PSMG2: variants seen among roughly 807,000 people sequenced by gnomAD.
The protein encoded by PSMG2 is proteasome assembly chaperone 2.
PSMG2 carries 21 observed loss-of-function variants against 31.5 expected under a neutral mutation model. The ratio of observed to expected loss-of-function variants is 0.67; its 90% CI spans 0.47 to 0.96. The LOEUF is 0.96. Among genes scored for constraint, PSMG2 ranks in the 40% least tolerant of loss-of-function variants. The probability of loss-of-function intolerance (pLI) is 0.00; values close to 1 mark genes in which losing one functional copy is unlikely to be tolerated. For synonymous variants in PSMG2, 120 were observed against 110.4 expected (o/e 1.09, Z -0.54); for missense variants, 318 against 321.2 (o/e 0.99, Z 0.08).
chr18:12,695,211 T>C (rs765168788), intron 1 of PSMG2: 4 of 880,534 alleles, frequency 4.5e-6, no homozygotes, highest in Non-Finnish European at 5.2e-6. Context: ...TATACTACTA[T>C]GAAAACAAAC....
intron 1 of PSMG2, among the ~76,000 whole-genome samples, chr18:12,682,781 C>G (rs933306296): frequency 1.3e-5 from 2 of 151,860 alleles, no homozygotes; most frequent in Non-Finnish European, 2.9e-5. Context: ...ACCACCACAC[C>G]CAGCTAATTT....
rs530892126 is a variant in PSMG2, at chr18:12,667,392, G to C, written c.-37+8619G>C. On this transcript the variant is annotated intron_variant, in intron 1 of 6. Coordinates refer to the PSMG2 transcript ENST00000585331. The stretch of plus-strand genomic sequence containing the variant: ...GGATCCGTTGAGCCCAGGTGTTCAA[G>C]GCTGCAGTGAGCTATGATCACACCA... Among the ~76,000 whole-genome samples, 392 of 152,278 alleles carry C rather than the reference G, an allele frequency of 2.6e-3. 1 individual carries two copies. Among genetic ancestry groups the C allele is most frequent in the African/African-American group, 9.0e-3 (376 of 41,562 alleles).
At chr18:12,724,345 G>T in intron 5 of PSMG2, 154 bp from the exon 6 acceptor site, 1 of 720,310 alleles carries the variant, frequency 1.4e-6, no homozygotes. Context: ...AGAAAACTCT[G>T]TGTGGGGCGA....
upstream of PSMG2, among the ~76,000 whole-genome samples, chr18:12,698,279 A>C (rs1009837256): frequency 1.3e-5 from 2 of 151,878 alleles, no homozygotes; most frequent in Non-Finnish European, 2.9e-5. Flanking sequence ...CCCAGGCTGG[A>C]GTGCAATGGG....
chr18:12,708,201 G>A (rs1472656904), intron 2 of PSMG2, among the ~76,000 whole-genome samples: 2 of 152,164 alleles, frequency 1.3e-5, no homozygotes, highest in African/African-American at 4.8e-5. Flanking sequence ...GTTTGAGCCT[G>A]GGAGGTTGTG....
intron 1 of PSMG2, among the ~76,000 whole-genome samples, chr18:12,688,435 T>C (rs896893968): frequency 1.3e-5 from 2 of 152,126 alleles, no homozygotes; most frequent in African/African-American, 2.4e-5. Context: ...TTGGTTAGTA[T>C]TGAGGTGCAG....
chr18:12,678,027 G>T, intron 1 of PSMG2: 1 of 1,032,396 alleles, frequency 9.7e-7, no homozygotes, highest in Non-Finnish European at 1.5e-6. Flanking sequence ...AATAGTGACT[G>T]GCACTATCAC....
chr18:12,722,587 G>C (rs4296322), intron 5 of PSMG2, among the ~76,000 whole-genome samples: 3 of 151,838 alleles, frequency 2.0e-5, no homozygotes, highest in African/African-American at 7.3e-5. Flanking sequence ...CAAAGTTAGC[G>C]GTGATAAACA....
chr18:12,689,488 G>A (rs7236517), intron 1 of PSMG2, among the ~76,000 whole-genome samples: 3 of 152,192 alleles, frequency 2.0e-5, no homozygotes, highest in African/African-American at 7.2e-5. Context: ...CCAATGCCTG[G>A]CCACTTGACA....
At chr18:12,697,821 A>T (rs577827412) in intron 1 of PSMG2, among the ~76,000 whole-genome samples, 13,965 of 152,268 alleles carry the variant, frequency 0.092, 880 homozygotes, top group Non-Finnish European at 0.13. Context: ...AAAATACAGC[A>T]CATCGAATCT....
At chr18:12,670,384 C>T (rs923026462) in intron 1 of PSMG2, 2 of 151,960 alleles carry the variant, frequency 1.3e-5, no homozygotes, top group Non-Finnish European at 2.9e-5. Flanking sequence ...ACTGAAATTA[C>T]CTTATTAAGT....
chr18:12,693,208 TTATAAA>T (rs1043472317), intron 1 of PSMG2, among the ~76,000 whole-genome samples: 2 of 152,166 alleles, frequency 1.3e-5, no homozygotes, highest in Non-Finnish European at 2.9e-5. Context: ...TCACTAGAAA[TTATAAA>T]TATGACAGTG....
rs2145133349 is a variant in PSMG2 at position 12,706,540 on chromosome 18, A to G, written c.58-10A>G. 6.2e-7 allele frequency: 1 copy of G among 1,612,608 alleles called. No individual in the cohort carries two copies. The highest frequency in any genetic ancestry group is 1.7e-4 in the Middle Eastern group (1 of 6,060). The stretch of plus-strand genomic sequence containing the variant: ...TGGTGACTTACTGAACATATCTTTT[A>G]TAATTTCAGCCAGCAGTATCTGTTG... On this transcript the variant is annotated splice_polypyrimidine_tract_variant and intron_variant, in intron 1 of 6. Transcript: ENST00000317615.
intron 2 of PSMG2, among the ~76,000 whole-genome samples, chr18:12,706,984 C>T (rs2040275429): frequency 6.6e-6 from 1 of 151,900 alleles, no homozygotes; most frequent in Non-Finnish European, 1.5e-5. Flanking sequence ...GAGACGGAGT[C>T]TCGCTCTCTT....
intron 2 of PSMG2, among the ~76,000 whole-genome samples, chr18:12,712,486 A>G (rs1172801859): frequency 6.6e-6 from 1 of 152,250 alleles, no homozygotes; most frequent in Non-Finnish European, 1.5e-5. Flanking sequence ...TTAACTTTTC[A>G]GAAATGAATC....
intron 1 of PSMG2, chr18:12,691,379 G>T: frequency 6.3e-7 from 1 of 1,598,530 alleles, no homozygotes; most frequent in Non-Finnish European, 8.5e-7. Flanking sequence ...ATCTTAACCA[G>T]TCGTGAGTTG....
At chr18:12,694,005 A>T (rs563050280) in intron 1 of PSMG2, among the ~76,000 whole-genome samples, 10 of 152,134 alleles carry the variant, frequency 6.6e-5, no homozygotes, top group South Asian at 6.2e-4. Flanking sequence ...CTAATTTTTT[A>T]AAATTTTTGT....
At chr18:12,668,894 C>T (rs1256231558) in intron 1 of PSMG2, among the ~76,000 whole-genome samples, 1 of 151,154 alleles carries the variant, frequency 6.6e-6, no homozygotes, top group African/African-American at 2.4e-5. Context: ...GTGTGGGCTA[C>T]TATGCCTGGC....
rs1295322938 is a variant in PSMG2 at position 12,681,211 on chromosome 18, AAAT to A, written c.-37+22439_-37+22441del. ...AGACTCTGTTTCCAAAAAAAAAAAA[AAAT>A]GTTTATAAAGAACTCACACAACACA... On this transcript the variant is annotated intron_variant, in intron 1 of 6. Transcript: ENST00000585331. Among the ~76,000 whole-genome samples the A allele has an allele frequency of 1.3e-3, 201 of 151,850 alleles. 2 individuals carry two copies. The highest frequency in any genetic ancestry group is 4.6e-3 in the African/African-American group (191 of 41,448).
Sources: gnomAD v4.1 joint callset for allele counts (sites outside exome capture counted in the v4.1 genomes callset) on GRCh38, gnomAD v4.1.1 for gene constraint, MANE v1.5 for transcripts, NCBI Gene and HGNC (gene_info 2026-07-23, HGNC 2026-07-21) for gene names.